Variants in S1PR3 observed in about 807,000 individuals in gnomAD.
S1PR3 encodes the protein sphingosine 1-phosphate receptor 3.
A neutral mutation model predicts 13.3 loss-of-function variants in S1PR3; 12 were observed. The ratio of observed to expected loss-of-function variants is 0.90; its 90% CI spans 0.58 to 1.46. The LOEUF is 1.46. Among genes scored for constraint, S1PR3 ranks in the 40% most tolerant of loss-of-function variants. S1PR3 has a pLI of 0.00. For synonymous variants in S1PR3, 232 were observed against 214.0 expected (o/e 1.08, Z -0.73); for missense variants, 450 against 501.9 (o/e 0.90, Z 0.99).
At chr9:88,991,340 C>A (rs1456917193), upstream of S1PR3, 12 of 867,954 alleles carry the variant, frequency 1.4e-5, no homozygotes, top group Non-Finnish European at 1.7e-5. The surrounding 1 kb of genome is among the most constrained non-coding windows in gnomAD (Gnocchi z 4.0). Context: ...GTGCCGGGTT[C>A]GCGGGCGGGG....
Position 89,001,643 on chromosome 9 carries a change from C to G in S1PR3, c.443C>G (p.Ala148Gly). The G allele has an allele frequency of 6.2e-7, 1 of 1,614,226 alleles. No individual in the cohort carries two copies. Among genetic ancestry groups the G allele is most frequent in the Non-Finnish European group, 8.5e-7 (1 of 1,180,050 alleles). ...LTMIKMRPYD[A>G]NKRHRVFLLI... ...ATGATCAAAATGAGGCCTTACGACG[C>G]CAACAAGAGGCACCGCGTCTTCCTC... The change falls in exon 2 of 2, where the codon GCC (alanine) becomes GGC (glycine). Residue 148 changes from alanine to glycine, a missense_variant. Coordinates refer to ENST00000358157, the MANE Select transcript of S1PR3 (RefSeq NM_005226.4).
At position 89,001,246 on chromosome 9, in the gene S1PR3, G is replaced by T; in HGVS notation, c.46G>T (p.Glu16Ter). The change falls in exon 2 of 2, where the codon GAG becomes TAG. Residue 16 changes from glutamate to a stop codon, truncating the protein, a stop_gained. Transcript: ENST00000358157. LOFTEE classifies it high-confidence loss of function. The part of the protein sequence containing the change: ...PPRLQPVRGN[E>*]TLREHYQYVG... ...GCGTCTCCAGCCGGTGCGGGGGAAC[G>T]AGACCCTGCGGGAGCATTACCAGTA... 6.2e-7 allele frequency: 1 copy of T among 1,614,048 alleles called. No individual in the cohort carries two copies. Among genetic ancestry groups the T allele is most frequent in the Non-Finnish European group, 8.5e-7 (1 of 1,179,952 alleles).
chr9:88,997,968 G>A (rs7870888), intron 1 of S1PR3: 25,343 of 152,178 alleles, frequency 0.17, 2,184 homozygotes, highest in Middle Eastern at 0.31. Context: ...GAGCCCTCGC[G>A]GTCCCCATCA....
Position 89,002,116 on chromosome 9 carries a change from C to T in S1PR3, c.916C>T (p.Arg306Trp), listed in dbSNP as rs773035093. The T allele has an allele frequency of 2.5e-6, 4 of 1,613,822 alleles. No individual in the cohort carries two copies. Among genetic ancestry groups the T allele is most frequent in the Non-Finnish European group, 3.4e-6 (4 of 1,180,016 alleles). Residue 306 changes from arginine (R) to tryptophan (W), a missense_variant, in exon 2 of 2, where the codon CGG (arginine) becomes TGG (tryptophan). Coordinates refer to ENST00000358157, the MANE Select transcript of S1PR3 (RefSeq NM_005226.4). ...CTACACGCTGGCCAGCAAGGAGATG[C>T]GGCGGGCCTTCTTCCGTCTGGTCTG... ...VIYTLASKEMRRAFFRLVCNC... is the reference protein window; with the variant it reads ...VIYTLASKEMWRAFFRLVCNC...
At chr9:89,000,725 G>A (rs1825855216) in intron 1 of S1PR3, 1 of 163,018 alleles carries the variant, frequency 6.1e-6, no homozygotes, top group Admixed American at 5.7e-5. Context: ...CAGCTCCCAT[G>A]CCCTAGATGA....
upstream of S1PR3, chr9:88,990,922 C>G: frequency 1.3e-6 from 2 of 1,585,044 alleles, no homozygotes; most frequent in Non-Finnish European, 1.7e-6. Flanking sequence ...AGGAAGAAGC[C>G]CAAACAAAAA....
chr9:88,993,723 G>C (rs1825759843), intron 1 of S1PR3: 1 of 152,180 alleles, frequency 6.6e-6, no homozygotes, highest in Non-Finnish European at 1.5e-5. Flanking sequence ...TGTTTCAGTT[G>C]ATGTTACTGT....
intron 1 of S1PR3, chr9:88,992,202 T>G (rs772805114): frequency 9.3e-6 from 6 of 641,790 alleles, no homozygotes; most frequent in Non-Finnish European, 1.6e-5. Context: ...GGAAAATCAG[T>G]ACGTTGTGTT....
intron 1 of S1PR3, chr9:88,995,090 A>G (rs1353863840): frequency 4.2e-5 from 7 of 167,126 alleles, no homozygotes; most frequent in Admixed American, 3.9e-4. Context: ...GAAATTTTAA[A>G]AAACATCTTG....
At chr9:88,997,140 A>G (rs1825812149) in intron 1 of S1PR3, 1 of 152,236 alleles carries the variant, frequency 6.6e-6, no homozygotes, top group Non-Finnish European at 1.5e-5. Flanking sequence ...ATTTAACAAA[A>G]GATGTTCTGG....
chr9:88,995,834 A>G (rs1460988056), intron 1 of S1PR3: 1 of 167,092 alleles, frequency 6.0e-6, no homozygotes, highest in African/African-American at 2.4e-5. Flanking sequence ...AAGAGAGTGG[A>G]ACGACCAGGC....
chr9:88,994,917 G>A (rs973007640), intron 1 of S1PR3: 2 of 167,094 alleles, frequency 1.2e-5, no homozygotes, highest in African/African-American at 4.8e-5. Flanking sequence ...CCAAGCCTGT[G>A]CAGCTGGGTG....
chr9:89,005,080 G>A lies in S1PR3; in HGVS notation c.*2743G>A, dbSNP rs529789506. 17 of 161,956 alleles carry A rather than the reference G, an allele frequency of 1.0e-4. 1 individual carries two copies. The highest frequency in any genetic ancestry group is 6.2e-4 in the South Asian group (3 of 4,826). The allele number at this position is 161,956 out of a possible 1,614,324, so 10.0% of individuals were successfully genotyped here. On this transcript the variant is annotated 3_prime_UTR_variant, in exon 2 of 2. Transcript: ENST00000358157. ...GGTGCCCTCCCCACTGCAGGGGTGCGCACTGTTGTTGCAGGCTTGCTACCC... is the reference window on the plus strand; with the variant it reads ...GGTGCCCTCCCCACTGCAGGGGTGCACACTGTTGTTGCAGGCTTGCTACCC...
upstream of S1PR3, chr9:88,991,319 G>T: frequency 2.0e-6 from 3 of 1,477,068 alleles, no homozygotes; most frequent in Non-Finnish European, 2.7e-6. This position sits in a 1 kb window ranked among gnomAD's most constrained non-coding sequence, Gnocchi z 4.0. Flanking sequence ...GGGAGGTGGG[G>T]AGCTGGAGGA....
chr9:88,991,895 G>C lies in S1PR3; in HGVS notation c.-148+200G>C, dbSNP rs771485358. ...GAGGAGGCCTTTTCCACCGCACCCG[G>C]AGCGTTTACAACGGGCTGGAGCTGA... On this transcript the variant is annotated intron_variant, in intron 1 of 1. Transcript: ENST00000358157. This position sits in a 1 kb window ranked among gnomAD's most constrained non-coding sequence, Gnocchi z 4.0. 8.1e-6 allele frequency: 13 copies of C among 1,614,192 alleles called. No individual in the cohort carries two copies. Among genetic ancestry groups the C allele is most frequent in the East Asian group, 6.7e-5 (3 of 44,860 alleles).
rs747607283 is a variant in S1PR3 at position 89,001,522 on chromosome 9, C to A, written c.322C>A (p.Pro108Thr). The change falls in exon 2 of 2, where the codon CCC becomes ACC. Residue 108 changes from proline (P) to threonine (T), a missense_variant. Coordinates refer to ENST00000358157, the MANE Select transcript of S1PR3 (RefSeq NM_005226.4). ...TGGCAAGAAGACGTTCAGCCTGTCT[C>A]CCACGGTCTGGTTCCTCAGGGAGGG... ...MSGKKTFSLS[P>T]TVWFLREGSM... is the part of the protein sequence containing the mutation. 6.2e-7 allele frequency: 1 copy of A among 1,614,252 alleles called. No homozygotes were observed. Among genetic ancestry groups the A allele is most frequent in the Non-Finnish European group, 8.5e-7 (1 of 1,180,044 alleles).
rs367566759 is a variant in S1PR3, at chr9:89,002,247, G to A, written c.1047G>A (p.Pro349=). 6.8e-6 allele frequency: 11 copies of A among 1,613,970 alleles called. No homozygotes were observed. Among genetic ancestry groups the A allele is most frequent in the East Asian group, 2.2e-5 (1 of 44,876 alleles). The change falls in exon 2 of 2, where the codon CCG becomes CCA. Residue 349 remains proline, a synonymous_variant. Transcript: ENST00000358157. The stretch of plus-strand genomic sequence containing the variant: ...GCAGCAACAATAGCAGCCACTCTCC[G>A]AAGGTCAAGGAAGACCTGCCCCACA... ...SSSSNNSSHS[P]KVKEDLPHTA... is the part of the protein sequence containing the mutation.
chr9:88,991,189 G>A (rs1172265062), upstream of S1PR3: 4 of 1,597,046 alleles, frequency 2.5e-6, no homozygotes, highest in South Asian at 2.3e-5. The surrounding 1 kb of genome is among the most constrained non-coding windows in gnomAD (Gnocchi z 4.0). Flanking sequence ...GACAAGGTCT[G>A]GAGGCCGGCC....
rs371960035 is a variant in S1PR3, at chr9:89,002,188, C to T, written c.988C>T (p.Pro330Ser). 6.2e-7 allele frequency: 1 copy of T among 1,614,004 alleles called. No homozygotes were observed. The highest frequency in any genetic ancestry group is 1.3e-5 in the African/African-American group (1 of 75,006). Residue 330 changes from proline (P) to serine (S), a missense_variant, in exon 2 of 2, where the codon CCT becomes TCT. Coordinates refer to ENST00000358157, the MANE Select transcript of S1PR3 (RefSeq NM_005226.4). ...GGGGGCCCGCGCCTCACCCATCCAG[C>T]CTGCGCTCGACCCAAGCAGAAGTAA... ...GRGARASPIQPALDPSRSKSS... is the reference protein window; with the variant it reads ...GRGARASPIQSALDPSRSKSS...
Sources: allele counts gnomAD v4.1 joint callset, GRCh38; gene constraint gnomAD v4.1.1; non-coding constraint Gnocchi (gnomAD v3.1); transcripts MANE v1.5; gene names NCBI Gene and HGNC (gene_info 2026-07-23, HGNC 2026-07-21).